Variants in OR3A2 observed in about 807,000 individuals in gnomAD.
OR3A2 encodes the protein olfactory receptor family 3 subfamily A member 2, also known as olfactory receptor 3A2.
For synonymous variants in OR3A2, 126 were observed against 159.3 expected (o/e 0.79, Z 1.57); for missense variants, 318 against 392.8 (o/e 0.81, Z 1.61).
intron 1 of OR3A2, among the ~76,000 whole-genome samples, chr17:3,281,126 C>A (rs967320772): frequency 2.6e-5 from 4 of 152,182 alleles, no homozygotes; most frequent in Non-Finnish European, 5.9e-5. Flanking sequence ...CAGTATCAAC[C>A]TTGGCTGCAC....
At chr17:3,373,545 T>C (rs1463955599) in intron 2 of OR3A2, among the ~76,000 whole-genome samples, 2 of 152,336 alleles carry the variant, frequency 1.3e-5, no homozygotes, top group East Asian at 3.9e-4. Context: ...CATTATATAA[T>C]GTCTCTCTTT....
intron 2 of OR3A2, among the ~76,000 whole-genome samples, chr17:3,344,244 C>G (rs1354372091): frequency 6.6e-6 from 1 of 152,098 alleles, no homozygotes; most frequent in Non-Finnish European, 1.5e-5. Context: ...AGCTAAAAAG[C>G]CTGCTTCCAC....
intron 3 of OR3A2, among the ~76,000 whole-genome samples, chr17:3,306,620 T>C (rs546522719): frequency 4.9e-4 from 73 of 149,030 alleles, no homozygotes; most frequent in African/African-American, 1.8e-3. Context: ...CGCTCAACCT[T>C]AGCCCCTCTC....
intron 3 of OR3A2, among the ~76,000 whole-genome samples, chr17:3,309,202 G>A (rs188606682): frequency 1.0e-3 from 152 of 152,248 alleles, no homozygotes; most frequent in African/African-American, 3.3e-3. Context: ...CACCACGCCC[G>A]GCCGAGTATT....
At chr17:3,319,984 A>C (rs931114899) in intron 3 of OR3A2, among the ~76,000 whole-genome samples, 1 of 152,226 alleles carries the variant, frequency 6.6e-6, no homozygotes, top group Non-Finnish European at 1.5e-5. Context: ...ACTAGTTTAC[A>C]GTCCCACCAA....
intron 3 of OR3A2, among the ~76,000 whole-genome samples, chr17:3,315,914 C>G (rs1205102476): frequency 6.6e-6 from 1 of 152,120 alleles, no homozygotes; most frequent in Non-Finnish European, 1.5e-5. Flanking sequence ...GATTTAGAGG[C>G]AGTCATCTTG....
chr17:3,350,503 T>G (rs2049411203), intron 2 of OR3A2, among the ~76,000 whole-genome samples: 1 of 152,056 alleles, frequency 6.6e-6, no homozygotes, highest in African/African-American at 2.4e-5. Context: ...AATCTCTGAA[T>G]AGACCAATAA....
chr17:3,309,570 G>A (rs969573266), intron 3 of OR3A2, among the ~76,000 whole-genome samples: 4 of 152,158 alleles, frequency 2.6e-5, no homozygotes, highest in Admixed American at 1.3e-4. Flanking sequence ...CTTCATATTT[G>A]GTAAACGGTC....
intron 2 of OR3A2, among the ~76,000 whole-genome samples, chr17:3,379,491 A>G (rs1160337073): frequency 6.6e-6 from 1 of 152,130 alleles, no homozygotes. Context: ...GGCTGCCACG[A>G]TCCCTGAACC....
chr17:3,346,621 C>T (rs915211150), intron 2 of OR3A2, among the ~76,000 whole-genome samples: 4 of 151,960 alleles, frequency 2.6e-5, no homozygotes, highest in Non-Finnish European at 4.4e-5. Flanking sequence ...CTATCAAATA[C>T]TAGTTCTTAT....
chr17:3,286,936 G>A (rs2048818352), upstream of OR3A2, among the ~76,000 whole-genome samples: 2 of 152,246 alleles, frequency 1.3e-5, no homozygotes, highest in South Asian at 2.1e-4. Flanking sequence ...CCATTTGTCA[G>A]TTTCGGCTTT....
chr17:3,344,401 T>G (rs1056219916), intron 2 of OR3A2, among the ~76,000 whole-genome samples: 2 of 152,146 alleles, frequency 1.3e-5, no homozygotes, highest in Non-Finnish European at 2.9e-5. Context: ...GCCTTGTGGT[T>G]GTAAGACTCC....
intron 2 of OR3A2, among the ~76,000 whole-genome samples, chr17:3,381,718 C>T (rs771070241): frequency 6.6e-6 from 1 of 152,112 alleles, no homozygotes; most frequent in Non-Finnish European, 1.5e-5. Context: ...TTCCTTTGTA[C>T]GTGGAAAGGA....
intron 2 of OR3A2, among the ~76,000 whole-genome samples, chr17:3,361,333 C>T (rs1172474398): frequency 1.3e-5 from 2 of 151,596 alleles, no homozygotes; most frequent in African/African-American, 4.9e-5. Flanking sequence ...ATGGGGTTTT[C>T]TAGATATACA....
chr17:3,361,002 C>T (rs1053590016), intron 2 of OR3A2, among the ~76,000 whole-genome samples: 5 of 151,544 alleles, frequency 3.3e-5, no homozygotes, highest in Non-Finnish European at 5.9e-5. Flanking sequence ...TATAAATTAC[C>T]TTGGGCAGTA....
At position 3,372,841 on chromosome 17, in the gene OR3A2, AGGAGAAGGAGAG is replaced by A. The variant is rs2049643015; in HGVS notation, c.-179+10951_-179+10962del. Among the ~76,000 whole-genome samples, 4 of 98,526 alleles carry A rather than the reference AGGAGAAGGAGAG, an allele frequency of 4.1e-5. 1 individual carries two copies. The highest frequency in any genetic ancestry group is 1.6e-4 in the African/African-American group (4 of 24,422). 64.6% of individuals were successfully genotyped at this position (98,526 alleles called of 152,430 possible). On this transcript the variant is annotated intron_variant, in intron 2 of 4. Coordinates refer to the OR3A2 transcript ENST00000573491. ...AAGAGGGAGAGGGAGAGGGAGGAGA[AGGAGAAGGAGAG>A]GGAGAGGGAGAGGGAGAGGGAGAGG...
intron 2 of OR3A2, among the ~76,000 whole-genome samples, chr17:3,374,153 G>A (rs893157299): frequency 1.2e-4 from 18 of 152,200 alleles, no homozygotes; most frequent in Non-Finnish European, 2.4e-4. Flanking sequence ...TAGGGCTTCT[G>A]TTGAGAAATC....
intron 2 of OR3A2, among the ~76,000 whole-genome samples, chr17:3,341,516 CT>C (rs1567561285): frequency 6.6e-6 from 1 of 152,148 alleles, no homozygotes; most frequent in African/African-American, 2.4e-5. Flanking sequence ...TTCTCCTTCA[CT>C]TATGAAGCTT....
intron 1 of OR3A2, among the ~76,000 whole-genome samples, chr17:3,385,644 T>C (rs1361567460): frequency 6.6e-6 from 1 of 152,134 alleles, no homozygotes; most frequent in African/African-American, 2.4e-5. Context: ...CTCAACACCT[T>C]TGTGGTAGAG....
Sources: allele counts gnomAD v4.1 joint callset (sites outside exome capture counted in the v4.1 genomes callset), GRCh38; gene constraint gnomAD v4.1.1; transcripts MANE v1.5; gene names NCBI Gene and HGNC (gene_info 2026-07-23, HGNC 2026-07-21).